The following PSMA1 variants were observed in gnomAD, a reference collection of about 807,000 sequenced individuals.
PSMA1 encodes the protein proteasome 20S subunit alpha 1, also known as proteasome subunit alpha type-1.
A neutral mutation model predicts 38.4 loss-of-function variants in PSMA1; 3 were observed. That is an observed-to-expected ratio of 0.08 (90% confidence interval 0.04 to 0.20). The LOEUF (loss-of-function observed/expected upper bound fraction) is 0.20. Ranked by LOEUF, PSMA1 falls within the 10% of genes least tolerant of loss-of-function variation. PSMA1 has a pLI of 1.00. For missense variants in PSMA1, 227 were observed against 325.3 expected (o/e 0.70, Z 2.32); for synonymous variants, 101 against 107.1 (o/e 0.94, Z 0.35).
chr11:14,612,917 G>A (rs1045706304), intron 1 of PSMA1, among the ~76,000 whole-genome samples: 2 of 152,020 alleles, frequency 1.3e-5, no homozygotes, highest in African/African-American at 2.4e-5. Flanking sequence ...TGGGCCGGGC[G>A]GGCTGGGCAG....
chr11:14,629,965 C>G (rs890075988), intron 1 of PSMA1, among the ~76,000 whole-genome samples: 115 of 150,912 alleles, frequency 7.6e-4, no homozygotes, highest in African/African-American at 2.5e-3. Context: ...TTTGGCTCTC[C>G]GTCTGTTGTT....
At chr11:14,552,316 C>A (rs1851894905) in intron 2 of PSMA1, among the ~76,000 whole-genome samples, 1 of 152,184 alleles carries the variant, frequency 6.6e-6, no homozygotes, top group Non-Finnish European at 1.5e-5. Context: ...TGGACAGTAA[C>A]CAGACCAACA....
chr11:14,635,823 T>C (rs1177858518), intron 1 of PSMA1, among the ~76,000 whole-genome samples: 1 of 152,220 alleles, frequency 6.6e-6, no homozygotes, highest in Non-Finnish European at 1.5e-5. Context: ...GCTAGACATT[T>C]ATATTTGTTT....
chr11:14,637,712 T>C (rs894546753), intron 1 of PSMA1, among the ~76,000 whole-genome samples: 3 of 152,230 alleles, frequency 2.0e-5, no homozygotes, highest in African/African-American at 7.2e-5. Context: ...TATGCATTCC[T>C]TAAAATTTAA....
intron 2 of PSMA1, 95 bp from the exon 3 acceptor site, chr11:14,518,076 T>A: frequency 1.2e-6 from 1 of 864,620 alleles, no homozygotes; most frequent in Non-Finnish European, 1.7e-6. Flanking sequence ...CAGTTAAATC[T>A]CAACTGATTT....
chr11:14,597,606 T>C (rs1052627219), intron 2 of PSMA1, among the ~76,000 whole-genome samples: 7 of 152,220 alleles, frequency 4.6e-5, no homozygotes, highest in Admixed American at 4.6e-4. Flanking sequence ...TTTATCATTT[T>C]TTATTGCATC....
At chr11:14,617,406 A>C (rs1852787732) in intron 1 of PSMA1, among the ~76,000 whole-genome samples, 1 of 152,130 alleles carries the variant, frequency 6.6e-6, no homozygotes, top group Non-Finnish European at 1.5e-5. Flanking sequence ...TTCCTTCCTC[A>C]ACCATGTGAT....
chr11:14,568,225 A>G (rs1215276327), intron 2 of PSMA1, among the ~76,000 whole-genome samples: 1 of 152,162 alleles, frequency 6.6e-6, no homozygotes, highest in African/African-American at 2.4e-5. Context: ...CCAAAGCCAT[A>G]CCTTTCTAAC....
intron 2 of PSMA1, among the ~76,000 whole-genome samples, chr11:14,547,688 C>T (rs528268232): frequency 7.9e-5 from 12 of 152,134 alleles, no homozygotes; most frequent in Non-Finnish European, 1.6e-4. Flanking sequence ...CAAGAGACAA[C>T]CAGAGGAGCT....
chr11:14,518,830 G>A (rs1851478338), intron 2 of PSMA1, among the ~76,000 whole-genome samples, 167 bp downstream of exon 2: 1 of 152,068 alleles, frequency 6.6e-6, no homozygotes, highest in South Asian at 2.1e-4. Flanking sequence ...TTAACATAAT[G>A]TCCTCTAGGT....
chr11:14,526,630 C>T (rs1309578728), intron 2 of PSMA1, among the ~76,000 whole-genome samples: 1 of 152,162 alleles, frequency 6.6e-6, no homozygotes, highest in Non-Finnish European at 1.5e-5. Flanking sequence ...TTCAGCTGTA[C>T]TCACTCTTTG....
In PSMA1 at chr11:14,519,856, T is replaced by G. The variant is rs140307470; in HGVS notation, c.3+441A>C. The G allele has an allele frequency of 1.2e-4, 21 of 175,442 alleles. No homozygotes were observed. The East Asian group carries it at 3.3e-3, about 27-fold the overall frequency. 10.9% of individuals were successfully genotyped at this position (175,442 alleles called of 1,614,324 possible). ...TTCTAATCGAAGTCTAGGCGAGAGA[T>G]AAATAGACGGACCCACCAGGAAAAC... On this transcript the variant is annotated intron_variant, in intron 1 of 9. Transcript: ENST00000396394.
At chr11:14,536,961 C>T (rs975293365) in intron 2 of PSMA1, among the ~76,000 whole-genome samples, 10 of 152,200 alleles carry the variant, frequency 6.6e-5, no homozygotes, top group African/African-American at 1.9e-4. Flanking sequence ...ATTTCTTTTC[C>T]TTTAGCTTGT....
At chr11:14,526,053 C>G (rs1851582790) in intron 2 of PSMA1, among the ~76,000 whole-genome samples, 1 of 152,160 alleles carries the variant, frequency 6.6e-6, no homozygotes, top group African/African-American at 2.4e-5. Flanking sequence ...CGTTACCTAC[C>G]TCAGCATAAC....
At chr11:14,525,137 C>T (rs1348378956), upstream of PSMA1, among the ~76,000 whole-genome samples, 1 of 152,072 alleles carries the variant, frequency 6.6e-6, no homozygotes, top group Non-Finnish European at 1.5e-5. Flanking sequence ...CCCCTTAAAA[C>T]TCCCCCACTC....
chr11:14,530,123 A>G (rs1851631335), intron 2 of PSMA1, among the ~76,000 whole-genome samples: 1 of 152,194 alleles, frequency 6.6e-6, no homozygotes, highest in Non-Finnish European at 1.5e-5. Context: ...ACACTAGTCC[A>G]CTGTGACCTC....
At chr11:14,518,885 G>GAA in intron 2 of PSMA1, 112 bp downstream of exon 2, 1 of 862,580 alleles carries the variant, frequency 1.2e-6, no homozygotes, top group Non-Finnish European at 1.8e-6. Flanking sequence ...TTCCAAGAAC[G>GAA]TCTAAAATAA....
intron 2 of PSMA1, among the ~76,000 whole-genome samples, chr11:14,528,952 C>G (rs994120573): frequency 3.3e-5 from 5 of 152,028 alleles, no homozygotes; most frequent in Non-Finnish European, 7.4e-5. Context: ...ATCCACCACC[C>G]GTTGCTGACT....
At chr11:14,547,472 G>A (rs1205031135) in intron 2 of PSMA1, among the ~76,000 whole-genome samples, 1 of 152,192 alleles carries the variant, frequency 6.6e-6, no homozygotes, top group African/African-American at 2.4e-5. Flanking sequence ...GAAAATCCAG[G>A]TTAAATGGTC....
Sources: allele counts gnomAD v4.1 joint callset (sites outside exome capture counted in the v4.1 genomes callset), GRCh38; gene constraint gnomAD v4.1.1; transcripts MANE v1.5; gene names NCBI Gene and HGNC (gene_info 2026-07-23, HGNC 2026-07-21).